Variants in PTPRK observed in about 807,000 individuals in gnomAD.
PTPRK encodes protein tyrosine phosphatase receptor type K, also known as receptor-type tyrosine-protein phosphatase kappa.
PTPRK carries 75 observed loss-of-function variants against 178.0 expected under a neutral mutation model. The observed-to-expected ratio is 0.42, with a 90% confidence interval of 0.35 to 0.51. PTPRK has a LOEUF of 0.51. PTPRK is among the 20% of genes least tolerant of loss of function. PTPRK has a pLI of 0.02. For synonymous variants in PTPRK, 637 were observed against 620.6 expected, an observed-to-expected ratio of 1.03 and a Z score of -0.39; for missense variants, 1,441 against 1,797.8, an observed-to-expected ratio of 0.80 and a Z score of 3.59.
At chr6:127,970,623 C>T (rs4302683) in intron 29 of PTPRK, among the ~76,000 whole-genome samples, 150,221 of 152,136 alleles carry the variant, frequency 0.99, 74,182 homozygotes, top group African/African-American at 1. Flanking sequence ...TCTGAACAAA[C>T]ATAAAGAATG....
chr6:128,485,458 G>GCA (rs145991670), intron 1 of PTPRK, among the ~76,000 whole-genome samples: 103 of 150,836 alleles, frequency 6.8e-4, no homozygotes, highest in South Asian at 6.3e-3. Flanking sequence ...GAAAATGCAT[G>GCA]CACACACACA....
In PTPRK at chr6:128,322,184, C is replaced by T. The variant is rs2128321229; in HGVS notation, c.350G>A (p.Gly117Glu). The T allele has an allele frequency of 6.2e-7, 1 of 1,613,870 alleles. No individual in the cohort carries two copies. The highest frequency in any genetic ancestry group is 8.5e-7 in the Non-Finnish European group (1 of 1,179,864). The stretch of plus-strand genomic sequence containing the variant: ...TATGTTCAAAGTGCCAGGATTCAGT[C>T]CTTTCTGGCTATATAATAGGTAACT... ...DFSYLLYSQK[G>E]LNPGTLNILV... The change falls in exon 3 of 30, where the codon GGA (glycine) becomes GAA (glutamate). Residue 117 changes from glycine to glutamate, a missense_variant. Transcript: ENST00000368226.
At chr6:128,478,626 G>C (rs1271114882) in intron 1 of PTPRK, among the ~76,000 whole-genome samples, 1 of 152,048 alleles carries the variant, frequency 6.6e-6, no homozygotes, top group Non-Finnish European at 1.5e-5. Flanking sequence ...GGGGTTTTCT[G>C]TTTGTTTTTT....
intron 2 of PTPRK, among the ~76,000 whole-genome samples, chr6:128,374,898 G>T (rs1340253315): frequency 4.0e-4 from 61 of 151,738 alleles, no homozygotes. Flanking sequence ...AAACCAAATT[G>T]GTCATCTTAT....
At chr6:128,469,029 C>G (rs900456728) in intron 1 of PTPRK, among the ~76,000 whole-genome samples, 1 of 150,530 alleles carries the variant, frequency 6.6e-6, no homozygotes, top group Non-Finnish European at 1.5e-5. Context: ...TTTTTTGAAA[C>G]GAAGTATTTA....
intron 3 of PTPRK, among the ~76,000 whole-genome samples, chr6:128,310,329 T>C (rs1044129400): frequency 1.4e-4 from 22 of 152,192 alleles, no homozygotes; most frequent in African/African-American, 5.3e-4. Context: ...AAACTCAATA[T>C]ACGGCATAAC....
At chr6:128,168,078 CCAAA>C (rs1799672927) in intron 7 of PTPRK, among the ~76,000 whole-genome samples, 1 of 152,144 alleles carries the variant, frequency 6.6e-6, no homozygotes, top group South Asian at 2.1e-4. Flanking sequence ...GTTAAAATCT[CCAAA>C]CAAAGTCACT....
chr6:128,382,284 T>C (rs1388222151), intron 2 of PTPRK, among the ~76,000 whole-genome samples: 1 of 151,450 alleles, frequency 6.6e-6, no homozygotes, highest in African/African-American at 2.4e-5. Flanking sequence ...ACTAGGAAAA[T>C]TGAGCACAAA....
At chr6:128,160,728 A>G (rs1798588175) in intron 7 of PTPRK, among the ~76,000 whole-genome samples, 1 of 151,560 alleles carries the variant, frequency 6.6e-6, no homozygotes, top group African/African-American at 2.4e-5. Flanking sequence ...TGCACTGCAA[A>G]TAATAAATAA....
chr6:127,979,117 T>TC (rs1554258003), intron 25 of PTPRK, among the ~76,000 whole-genome samples: 1 of 149,174 alleles, frequency 6.7e-6, no homozygotes, highest in Non-Finnish European at 1.5e-5. Flanking sequence ...CAAAAAATAA[T>TC]AAAAAAAAAA....
chr6:128,453,467 G>C (rs1848032516), intron 1 of PTPRK, among the ~76,000 whole-genome samples: 1 of 152,116 alleles, frequency 6.6e-6, no homozygotes, highest in Non-Finnish European at 1.5e-5. Flanking sequence ...CGATTGTAAA[G>C]GGCCAAGCTC....
At chr6:128,237,839 T>C (rs1231600713) in intron 5 of PTPRK, among the ~76,000 whole-genome samples, 1 of 152,118 alleles carries the variant, frequency 6.6e-6, no homozygotes. Flanking sequence ...TGTTTTTTTT[T>C]ACTTTTGGCA....
chr6:128,000,708 T>C (rs1223392219), intron 15 of PTPRK, among the ~76,000 whole-genome samples: 1 of 151,962 alleles, frequency 6.6e-6, no homozygotes, highest in East Asian at 1.9e-4. Flanking sequence ...TCAGAAGCAA[T>C]TGATTTGGGC....
At chr6:128,480,682 G>C (rs998871898) in intron 1 of PTPRK, among the ~76,000 whole-genome samples, 3 of 152,190 alleles carry the variant, frequency 2.0e-5, no homozygotes, top group Non-Finnish European at 2.9e-5. Flanking sequence ...AAAAGCTAAG[G>C]CTCAAAAAGG....
At chr6:128,204,247 T>C (rs539581321) in intron 6 of PTPRK, among the ~76,000 whole-genome samples, 2 of 152,272 alleles carry the variant, frequency 1.3e-5, no homozygotes, top group South Asian at 2.1e-4. Flanking sequence ...CTGGACCCCT[T>C]CCTTAAAACA....
chr6:128,455,285 T>C (rs1848259485), intron 1 of PTPRK, among the ~76,000 whole-genome samples: 1 of 152,192 alleles, frequency 6.6e-6, no homozygotes, highest in South Asian at 2.1e-4. Context: ...TGGGTATATT[T>C]GCTGATTTGA....
Position 128,066,081 on chromosome 6 carries a change from G to T in PTPRK, c.2158-1287C>A, listed in dbSNP as rs1233865193. Among the ~76,000 whole-genome samples, 3 of 152,218 alleles carry T rather than the reference G, an allele frequency of 2.0e-5. No homozygotes were observed. The East Asian group carries it at 5.8e-4, about 29-fold the overall frequency. ...TCATTAACACTCCTCTGGTATAATA[G>T]ACCAAATAACCAAAGTTAATTTGGA... is the stretch of plus-strand genomic sequence containing the variant. On this transcript the variant is annotated intron_variant, in intron 12 of 29. Transcript: ENST00000368226.
intron 29 of PTPRK, 23 bp from the exon 30 acceptor site, chr6:127,970,303 G>A (rs773972257): frequency 1.9e-6 from 3 of 1,599,048 alleles, no homozygotes; most frequent in East Asian, 2.3e-5. Context: ...AAAACACAAA[G>A]AGTGAGAAAA....
At chr6:128,031,580 T>C (rs1775340988) in intron 13 of PTPRK, among the ~76,000 whole-genome samples, 1 of 152,196 alleles carries the variant, frequency 6.6e-6, no homozygotes, top group Non-Finnish European at 1.5e-5. Context: ...TTTGTTGTTA[T>C]TGTTGGGGAG....
Sources: allele counts gnomAD v4.1 joint callset (sites outside exome capture counted in the v4.1 genomes callset), GRCh38; gene constraint gnomAD v4.1.1; transcripts MANE v1.5; gene names NCBI Gene and HGNC (gene_info 2026-07-23, HGNC 2026-07-21).